ZNF804B: variants seen among roughly 807,000 people sequenced by gnomAD.
The protein encoded by ZNF804B is zinc finger protein 804B.
ZNF804B carries 80 observed loss-of-function variants against 101.4 expected under a neutral mutation model. The observed-to-expected ratio is 0.79, with a 90% CI of 0.66 to 0.95. ZNF804B has a LOEUF of 0.95. ZNF804B is among the 40% of genes least tolerant of loss of function. The probability of loss-of-function intolerance (pLI) is 0.00; values close to 1 mark genes in which losing one functional copy is unlikely to be tolerated. For missense variants in ZNF804B, 1,673 were observed against 1,561.9 expected, an observed-to-expected ratio of 1.07 and a Z score of -1.20; for synonymous variants, 622 against 558.8, an observed-to-expected ratio of 1.11 and a Z score of -1.59.
At chr7:89,223,606 A>ATTATTTAT (rs35199718) in intron 2 of ZNF804B, among the ~76,000 whole-genome samples, 2,360 of 146,806 alleles carry the variant, frequency 0.016, 30 homozygotes, top group African/African-American at 0.035. Context: ...AAAAATTAAG[A>ATTATTTAT]TTATTTATTT....
intron 2 of ZNF804B, among the ~76,000 whole-genome samples, chr7:89,275,850 T>A (rs1161042400): frequency 1.3e-5 from 2 of 151,792 alleles, no homozygotes; most frequent in Admixed American, 1.3e-4. Context: ...CGCCTAGAAA[T>A]GTTACCTGCA....
intron 1 of ZNF804B, among the ~76,000 whole-genome samples, chr7:89,034,237 CT>C (rs1788886298): frequency 1.3e-5 from 2 of 151,974 alleles, no homozygotes; most frequent in South Asian, 2.1e-4. Context: ...AGAAAGAAGA[CT>C]TTTTTTGAAG....
intron 1 of ZNF804B, among the ~76,000 whole-genome samples, chr7:88,771,233 G>A (rs11981332): frequency 0.086 from 13,084 of 151,880 alleles, 1,266 homozygotes; most frequent in African/African-American, 0.24. Flanking sequence ...AGGGAAAAAA[G>A]CATTAGTTTT....
At chr7:88,951,756 A>G (rs1793227143) in intron 1 of ZNF804B, among the ~76,000 whole-genome samples, 1 of 151,832 alleles carries the variant, frequency 6.6e-6, no homozygotes. Flanking sequence ...CTGAACTCAA[A>G]CTTTAAAACA....
intron 2 of ZNF804B, among the ~76,000 whole-genome samples, chr7:89,255,515 AAG>A (rs1789616103): frequency 1.3e-5 from 2 of 152,216 alleles, no homozygotes; most frequent in African/African-American, 4.8e-5. Flanking sequence ...AGTGTGGGAA[AAG>A]AGAGCCCATT....
intron 2 of ZNF804B, among the ~76,000 whole-genome samples, chr7:89,279,650 A>G (rs200201790): frequency 6.6e-6 from 1 of 152,196 alleles, no homozygotes; most frequent in Non-Finnish European, 1.5e-5. Context: ...ATGCTGGATT[A>G]CGTTTATTGA....
At chr7:89,131,663 G>C (rs904561652) in intron 1 of ZNF804B, among the ~76,000 whole-genome samples, 3 of 152,016 alleles carry the variant, frequency 2.0e-5, no homozygotes, top group Admixed American at 1.3e-4. Context: ...AACTACTTAT[G>C]TGTGATTCTT....
chr7:88,955,594 A>T (rs1793293534), intron 1 of ZNF804B, among the ~76,000 whole-genome samples: 1 of 151,692 alleles, frequency 6.6e-6, no homozygotes, highest in East Asian at 2.0e-4. Context: ...TTTAGTAAAA[A>T]GCCTATTTTT....
intron 1 of ZNF804B, among the ~76,000 whole-genome samples, chr7:89,196,406 G>T (rs1008110676): frequency 2.6e-5 from 4 of 152,128 alleles, no homozygotes; most frequent in Admixed American, 2.6e-4. Flanking sequence ...AAATGGTGCT[G>T]GGAAAGCTGG....
intron 1 of ZNF804B, among the ~76,000 whole-genome samples, chr7:89,010,620 G>T (rs6465175): frequency 6.6e-6 from 1 of 151,882 alleles, no homozygotes. Flanking sequence ...GCACTACTCA[G>T]AAAGGCAAAT....
chr7:88,953,851 T>G (rs1238544222), intron 1 of ZNF804B, among the ~76,000 whole-genome samples: 1 of 151,782 alleles, frequency 6.6e-6, no homozygotes, highest in East Asian at 1.9e-4. Context: ...TTTTTATTGA[T>G]TGCATTCTAT....
intron 1 of ZNF804B, among the ~76,000 whole-genome samples, chr7:89,105,856 C>G (rs1790128787): frequency 6.6e-6 from 1 of 152,096 alleles, no homozygotes; most frequent in Non-Finnish European, 1.5e-5. Context: ...TTCCCATGAC[C>G]CCTTTGTTAG....
chr7:89,284,435 G>C (rs1790149873), intron 2 of ZNF804B, among the ~76,000 whole-genome samples: 2 of 152,146 alleles, frequency 1.3e-5, no homozygotes, highest in African/African-American at 4.8e-5. Context: ...TGATATTATA[G>C]GAAAAATTTG....
chr7:88,903,675 G>A (rs1203437934), intron 1 of ZNF804B, among the ~76,000 whole-genome samples: 1 of 152,082 alleles, frequency 6.6e-6, no homozygotes, highest in Non-Finnish European at 1.5e-5. Context: ...GTATCTCATT[G>A]TTATTTTGAT....
intron 1 of ZNF804B, chr7:88,794,567 T>TA (rs1432525915): frequency 1.2e-5 from 20 of 1,613,328 alleles, no homozygotes; most frequent in South Asian, 2.2e-5. Flanking sequence ...ATTTGTTGAA[T>TA]AAAAAATACT....
At chr7:89,208,211 A>G (rs984769486) in intron 1 of ZNF804B, among the ~76,000 whole-genome samples, 4 of 151,454 alleles carry the variant, frequency 2.6e-5, no homozygotes, top group Non-Finnish European at 4.4e-5. Flanking sequence ...CCTCCCGAGT[A>G]GCTGGGACTA....
At chr7:88,916,517 G>T (rs1792634175) in intron 1 of ZNF804B, among the ~76,000 whole-genome samples, 1 of 152,038 alleles carries the variant, frequency 6.6e-6, no homozygotes, top group Non-Finnish European at 1.5e-5. Flanking sequence ...GCCTTAGATT[G>T]ATTAAAAAAT....
At chr7:89,181,129 C>A (rs549380042) in intron 1 of ZNF804B, among the ~76,000 whole-genome samples, 13 of 151,830 alleles carry the variant, frequency 8.6e-5, no homozygotes, top group African/African-American at 2.2e-4. Context: ...GAGTCTCTTC[C>A]TAAACTGTGA....
At chr7:89,063,040 T>G (rs1789402005) in intron 1 of ZNF804B, among the ~76,000 whole-genome samples, 1 of 152,152 alleles carries the variant, frequency 6.6e-6, no homozygotes, top group African/African-American at 2.4e-5. Context: ...CTTTATTTCA[T>G]GATTGTTGTA....
Sources: gnomAD v4.1 joint callset for allele counts (sites outside exome capture counted in the v4.1 genomes callset) on GRCh38, gnomAD v4.1.1 for gene constraint, MANE v1.5 for transcripts, NCBI Gene and HGNC (gene_info 2026-07-23, HGNC 2026-07-21) for gene names.